The following PARP8 variants were observed in gnomAD, a reference collection of about 807,000 sequenced individuals.
PARP8 encodes protein mono-ADP-ribosyltransferase PARP8.
PARP8 carries 51 observed loss-of-function variants against 124.1 expected under a neutral mutation model. The ratio of observed to expected loss-of-function variants is 0.41; its 90% confidence interval spans 0.33 to 0.52. PARP8 has a LOEUF of 0.52. Among genes scored for constraint, PARP8 ranks in the 20% least tolerant of loss-of-function variants. The pLI is 0.21. For synonymous variants in PARP8, 391 were observed against 361.5 expected, an observed-to-expected ratio of 1.08 and a Z score of -0.93; for missense variants, 860 against 1,018.9, an observed-to-expected ratio of 0.84 and a Z score of 2.12.
intron 9 of PARP8, among the ~76,000 whole-genome samples, chr5:50,780,441 A>G (rs1561369974): frequency 1.3e-5 from 2 of 152,212 alleles, no homozygotes; most frequent in Admixed American, 6.5e-5. Flanking sequence ...GTATAAGATG[A>G]TACTGAAGCA....
At chr5:50,787,992 G>T (rs1007345750) in intron 9 of PARP8, among the ~76,000 whole-genome samples, 3 of 148,914 alleles carry the variant, frequency 2.0e-5, no homozygotes, top group Non-Finnish European at 4.4e-5. Context: ...TACGAACCAC[G>T]TGAAAAGGAA....
At chr5:50,739,730 ATATT>A (rs1369632866) in intron 2 of PARP8, among the ~76,000 whole-genome samples, 81 of 42,212 alleles carry the variant, frequency 1.9e-3, no homozygotes, top group African/African-American at 4.3e-3. Context: ...ATATATATAT[ATATT>A]TTTTTTTTTT....
intron 22 of PARP8, among the ~76,000 whole-genome samples, chr5:50,830,472 G>A (rs1746824995): frequency 6.6e-6 from 1 of 152,256 alleles, no homozygotes; most frequent in Admixed American, 6.5e-5. Flanking sequence ...AACTTGTGCT[G>A]TGCAGGAGCC....
chr5:50,797,502 T>C (rs1407209444), intron 14 of PARP8, among the ~76,000 whole-genome samples: 2 of 152,340 alleles, frequency 1.3e-5, no homozygotes, highest in Non-Finnish European at 2.9e-5. Context: ...ATATCAACGT[T>C]AAGCATCTTA....
intron 7 of PARP8, among the ~76,000 whole-genome samples, chr5:50,764,504 G>T (rs1224754215): frequency 1.3e-5 from 2 of 152,192 alleles, no homozygotes; most frequent in Non-Finnish European, 2.9e-5. Flanking sequence ...TTTAACTGCA[G>T]AAATAGAAAC....
chr5:50,814,457 T>C (rs956568940), intron 14 of PARP8, among the ~76,000 whole-genome samples: 3 of 152,114 alleles, frequency 2.0e-5, no homozygotes, highest in African/African-American at 7.2e-5. Flanking sequence ...TTTCTGAAAA[T>C]GGAATCAAAT....
At chr5:50,824,095 T>C (rs2149706157) in intron 17 of PARP8, among the ~76,000 whole-genome samples, 1 of 152,360 alleles carries the variant, frequency 6.6e-6, no homozygotes, top group African/African-American at 2.4e-5. Context: ...CTTTGTTCTG[T>C]GAAATGGTTG....
At chr5:50,767,105 C>T (rs1187833970) in intron 7 of PARP8, among the ~76,000 whole-genome samples, 2 of 152,068 alleles carry the variant, frequency 1.3e-5, no homozygotes, top group Non-Finnish European at 2.9e-5. Context: ...TTCCCATGTC[C>T]CCTCAGCTCT....
intron 2 of PARP8, among the ~76,000 whole-genome samples, chr5:50,711,233 T>G (rs1216921752): frequency 6.6e-6 from 1 of 152,166 alleles, no homozygotes; most frequent in African/African-American, 2.4e-5. Context: ...TATTATTGTC[T>G]ATCAGCCATT....
rs150775785 is a variant in PARP8 at position 50,806,260 on chromosome 5, C to T, written c.1575+9027C>T. Reference sequence around the variant, plus strand: ...AATAGAGATAGGATTCTAATACTGACAGAATGGCACCAGGCAGAGGTTCCT... The same window carrying T: ...AATAGAGATAGGATTCTAATACTGATAGAATGGCACCAGGCAGAGGTTCCT... On this transcript the variant is annotated intron_variant, in intron 14 of 25. Coordinates refer to ENST00000281631, the MANE Select transcript of PARP8 (RefSeq NM_024615.4). Among the ~76,000 whole-genome samples, 303 of 152,042 alleles carry T rather than the reference C, an allele frequency of 2.0e-3. 2 individuals carry two copies. Among genetic ancestry groups the T allele is most frequent in the African/African-American group, 7.1e-3 (293 of 41,496 alleles).
At chr5:50,820,733 T>G (rs1745671946) in intron 15 of PARP8, among the ~76,000 whole-genome samples, 2 of 152,344 alleles carry the variant, frequency 1.3e-5, no homozygotes, top group South Asian at 4.1e-4. Context: ...AGGTCTCTGT[T>G]GAGATTCACC....
chr5:50,764,895 A>T (rs1167058017), intron 7 of PARP8, among the ~76,000 whole-genome samples: 1 of 151,830 alleles, frequency 6.6e-6, no homozygotes, highest in African/African-American at 2.4e-5. Flanking sequence ...ACATCTCGAT[A>T]TACACCAAAA....
At chr5:50,803,799 G>A (rs1388558626) in intron 14 of PARP8, among the ~76,000 whole-genome samples, 1 of 151,654 alleles carries the variant, frequency 6.6e-6, no homozygotes, top group Non-Finnish European at 1.5e-5. Flanking sequence ...GCTTTCCTTG[G>A]GCCCCTTCCT....
intron 2 of PARP8, among the ~76,000 whole-genome samples, chr5:50,681,978 A>G (rs1254913407): frequency 6.6e-6 from 1 of 152,172 alleles, no homozygotes; most frequent in Non-Finnish European, 1.5e-5. Flanking sequence ...CATCCAAAAT[A>G]AGATATATTT....
rs1441459927 is a variant in PARP8 at position 50,774,925 on chromosome 5, G to A, written c.519-3144G>A. 6.7e-5 allele frequency among the ~76,000 whole-genome samples: 10 copies of A among 148,486 alleles called. No homozygotes were observed. In the South Asian group the frequency reaches 1.1e-3, roughly 16 times the overall value. ...AGGTGCTCCCCACTTCCCAGATGGG[G>A]CGGCTGGGCAGAGGCGCTCCCCACT... On this transcript the variant is annotated intron_variant, in intron 7 of 25. Coordinates refer to ENST00000281631, the MANE Select transcript of PARP8 (RefSeq NM_024615.4).
intron 2 of PARP8, among the ~76,000 whole-genome samples, chr5:50,721,082 G>GTT (rs79339701): frequency 9.3e-4 from 128 of 137,194 alleles, no homozygotes; most frequent in African/African-American, 2.0e-3. Context: ...TAAAATAATT[G>GTT]TTTTTTTTTT....
intron 2 of PARP8, among the ~76,000 whole-genome samples, chr5:50,722,746 T>A (rs968160010): frequency 1.3e-5 from 2 of 152,146 alleles, no homozygotes; most frequent in Non-Finnish European, 2.9e-5. Flanking sequence ...GTGGATGTTA[T>A]ATGTGCTTAA....
chr5:50,739,984 C>T (rs1757881416), intron 2 of PARP8, among the ~76,000 whole-genome samples: 1 of 151,866 alleles, frequency 6.6e-6, no homozygotes, highest in Non-Finnish European at 1.5e-5. Context: ...CTCCTGACCT[C>T]ATGATCCACC....
At chr5:50,702,900 G>T (rs1263163051) in intron 2 of PARP8, among the ~76,000 whole-genome samples, 2 of 152,278 alleles carry the variant, frequency 1.3e-5, no homozygotes, top group East Asian at 3.9e-4. Context: ...GCACATGGCT[G>T]TAGTGGTGAC....
Sources: allele counts gnomAD v4.1 joint callset (sites outside exome capture counted in the v4.1 genomes callset), GRCh38; gene constraint gnomAD v4.1.1; transcripts MANE v1.5; gene names NCBI Gene and HGNC (gene_info 2026-07-23, HGNC 2026-07-21).